Variants in ZBTB20 observed in about 807,000 individuals in gnomAD.
ZBTB20 encodes the protein zinc finger and BTB domain containing 20.
ZBTB20 carries 9 observed loss-of-function variants against 56.9 expected under a neutral mutation model. The ratio of observed to expected loss-of-function variants is 0.16; its 90% CI spans 0.10 to 0.28. The LOEUF is 0.28. Ranked by LOEUF, ZBTB20 falls within the 10% of genes least tolerant of loss-of-function variation. ZBTB20 has a pLI of 1.00. For synonymous variants in ZBTB20, 417 were observed against 420.7 expected (o/e 0.99, Z 0.11); for missense variants, 655 against 1,003.0 (o/e 0.65, Z 4.69).
At chr3:114,986,344 A>AT (rs2078542654) in intron 2 of ZBTB20, among the ~76,000 whole-genome samples, 1 of 152,120 alleles carries the variant, frequency 6.6e-6, no homozygotes, top group Non-Finnish European at 1.5e-5. Flanking sequence ...TTCTACAATT[A>AT]TTTTTGAAAA....
chr3:115,041,214 A>C (rs2081128900), intron 2 of ZBTB20, among the ~76,000 whole-genome samples: 1 of 152,170 alleles, frequency 6.6e-6, no homozygotes, highest in Non-Finnish European at 1.5e-5. Context: ...AAACACCTAA[A>C]CTTCATAAAG....
At chr3:115,121,909 G>T (rs1259185889) in intron 1 of ZBTB20, among the ~76,000 whole-genome samples, 4 of 151,894 alleles carry the variant, frequency 2.6e-5, no homozygotes, top group Admixed American at 6.6e-5. Flanking sequence ...ACTTGAGAAA[G>T]ATCTCCTCAT....
intron 6 of ZBTB20, among the ~76,000 whole-genome samples, chr3:114,565,136 G>A (rs1387136552): frequency 2.0e-5 from 3 of 152,116 alleles, no homozygotes; most frequent in Non-Finnish European, 4.4e-5. Context: ...ATAAAATAAT[G>A]CCAACAGCTG....
chr3:114,711,710 C>T (rs901459497), intron 5 of ZBTB20, among the ~76,000 whole-genome samples: 1 of 152,148 alleles, frequency 6.6e-6, no homozygotes, highest in Non-Finnish European at 1.5e-5. Flanking sequence ...GAGGAGTGAG[C>T]TATACTTTTA....
chr3:114,868,576 C>G (rs672825), intron 4 of ZBTB20, among the ~76,000 whole-genome samples: 141,450 of 152,274 alleles, frequency 0.93, 65,865 homozygotes, highest in East Asian at 1. Flanking sequence ...AAAGAGTACT[C>G]TCAATAAACA....
intron 10 of ZBTB20, among the ~76,000 whole-genome samples, chr3:114,377,752 A>G (rs949962863): frequency 1.3e-5 from 2 of 152,170 alleles, no homozygotes; most frequent in African/African-American, 4.8e-5. Flanking sequence ...TACCCAAATG[A>G]GTTAACCACA....
intron 2 of ZBTB20, among the ~76,000 whole-genome samples, chr3:115,031,808 G>C (rs2080694697): frequency 6.6e-6 from 1 of 151,414 alleles, no homozygotes; most frequent in Non-Finnish European, 1.5e-5. Flanking sequence ...AAATTGTACT[G>C]AATTAGTACA....
chr3:114,765,407 A>G (rs952931972), intron 5 of ZBTB20, among the ~76,000 whole-genome samples: 1 of 152,178 alleles, frequency 6.6e-6, no homozygotes, highest in Admixed American at 6.5e-5. Flanking sequence ...GGAGAATGCT[A>G]TATTAAAGAT....
intron 4 of ZBTB20, among the ~76,000 whole-genome samples, chr3:114,870,927 G>A (rs1055314404): frequency 5.3e-5 from 8 of 151,398 alleles, no homozygotes; most frequent in African/African-American, 1.9e-4. Context: ...GTGAAATTTT[G>A]TCACTTTTGA....
intron 6 of ZBTB20, among the ~76,000 whole-genome samples, chr3:114,535,745 A>C (rs1559925595): frequency 6.6e-6 from 1 of 152,212 alleles, no homozygotes; most frequent in East Asian, 1.9e-4. Flanking sequence ...AATCCTCGAT[A>C]AAATACTGGC....
intron 7 of ZBTB20, among the ~76,000 whole-genome samples, chr3:114,441,234 A>T (rs905559337): frequency 3.9e-5 from 6 of 152,190 alleles, no homozygotes; most frequent in African/African-American, 1.2e-4. Context: ...TATATAATGA[A>T]TTTTGAAGCT....
At chr3:115,029,814 T>C (rs1254966888) in intron 2 of ZBTB20, among the ~76,000 whole-genome samples, 2 of 150,964 alleles carry the variant, frequency 1.3e-5, no homozygotes, top group Non-Finnish European at 3.0e-5. Flanking sequence ...GAAGAATTTT[T>C]AATCTTATCT....
intron 1 of ZBTB20, among the ~76,000 whole-genome samples, chr3:115,082,737 T>C (rs1212070814): frequency 6.6e-6 from 1 of 151,904 alleles, no homozygotes; most frequent in Non-Finnish European, 1.5e-5. Context: ...AGTGATAAAA[T>C]GATAGAGACA....
Position 114,330,943 on chromosome 3 carries a change from TC to T in ZBTB20, c.*8061del, listed in dbSNP as rs936536298. 1.3e-5 allele frequency: 2 copies of T among 151,602 alleles called. No individual in the cohort carries two copies. Among genetic ancestry groups the T allele is most frequent in the African/African-American group, 4.9e-5 (2 of 41,208 alleles). 9.4% of individuals were successfully genotyped at this position (151,602 alleles called of 1,614,324 possible). ...ATTCCTACAGATTACCAAAAAACAT[TC>T]CCCCCAACAGTCTATTGGTTTGCTA... On this transcript the variant is annotated 3_prime_UTR_variant, in exon 12 of 12. Coordinates refer to ENST00000675478, the MANE Select transcript of ZBTB20 (RefSeq NM_001348800.3).
intron 6 of ZBTB20, among the ~76,000 whole-genome samples, chr3:114,689,965 A>G (rs1370253128): frequency 6.6e-6 from 1 of 152,126 alleles, no homozygotes; most frequent in Non-Finnish European, 1.5e-5. Flanking sequence ...ACAGGCCCAG[A>G]GTAAAGGAGA....
chr3:114,387,901 T>C (rs1289270083), intron 8 of ZBTB20: 1 of 152,210 alleles, frequency 6.6e-6, no homozygotes, highest in African/African-American at 2.4e-5. Context: ...GGCAGGCCTG[T>C]CTATCACCTA....
intron 7 of ZBTB20, among the ~76,000 whole-genome samples, chr3:114,419,389 C>T (rs569848370): frequency 1.3e-5 from 2 of 152,014 alleles, no homozygotes; most frequent in Non-Finnish European, 2.9e-5. Context: ...GGTTTCAGAA[C>T]AGGGAAGCTG....
chr3:114,786,904 G>C (rs1414943365), intron 5 of ZBTB20, among the ~76,000 whole-genome samples: 9 of 152,000 alleles, frequency 5.9e-5, no homozygotes, highest in African/African-American at 2.2e-4. Flanking sequence ...ATGATCTTCT[G>C]TATATCCATA....
At chr3:114,740,453 TAG>T (rs977918758) in intron 5 of ZBTB20, among the ~76,000 whole-genome samples, 4 of 152,236 alleles carry the variant, frequency 2.6e-5, no homozygotes, top group African/African-American at 9.6e-5. Context: ...ATTAAGTTTT[TAG>T]GGAAAAATAA....
Sources: gnomAD v4.1 joint callset for allele counts (sites outside exome capture counted in the v4.1 genomes callset) on GRCh38, gnomAD v4.1.1 for gene constraint, MANE v1.5 for transcripts, NCBI Gene and HGNC (gene_info 2026-07-23, HGNC 2026-07-21) for gene names.